PRKN: variants seen among roughly 807,000 people sequenced by gnomAD.
PRKN encodes parkin RBR E3 ubiquitin protein ligase.
In PRKN, 56 loss-of-function variants were observed where a neutral mutation model predicts 59.5. That is an observed-to-expected ratio of 0.94 (90% CI 0.76 to 1.18). The LOEUF is 1.18. Ranked by LOEUF, PRKN falls within the 50% of genes most tolerant of loss-of-function variation. The pLI is 0.00. For synonymous variants in PRKN, 250 were observed against 222.1 expected, an observed-to-expected ratio of 1.13 and a Z score of -1.12; for missense variants, 657 against 596.4, an observed-to-expected ratio of 1.10 and a Z score of -1.06.
chr6:162,581,324 T>C (rs919915913), intron 1 of PRKN, among the ~76,000 whole-genome samples: 1 of 152,232 alleles, frequency 6.6e-6, no homozygotes, highest in East Asian at 1.9e-4. Context: ...GGTAGTTATA[T>C]GGCAATTAAT....
At chr6:162,187,550 G>A (rs1246414134) in intron 4 of PRKN, among the ~76,000 whole-genome samples, 5 of 152,108 alleles carry the variant, frequency 3.3e-5, no homozygotes, top group Non-Finnish European at 7.3e-5. Flanking sequence ...CCTCCAGCAA[G>A]TGCCCAGCCT....
intron 2 of PRKN, among the ~76,000 whole-genome samples, chr6:162,434,349 T>C (rs923364282): frequency 2.0e-5 from 3 of 152,210 alleles, no homozygotes; most frequent in Non-Finnish European, 4.4e-5. Flanking sequence ...ATCCTCTGAT[T>C]TAGCACATGG....
chr6:161,692,888 C>T (rs1306389098), intron 7 of PRKN, among the ~76,000 whole-genome samples: 2 of 148,694 alleles, frequency 1.3e-5, no homozygotes, highest in Non-Finnish European at 1.5e-5. Context: ...GCTGAGGTTG[C>T]AGTGAGCAGA....
intron 7 of PRKN, among the ~76,000 whole-genome samples, chr6:161,591,026 G>A (rs1562545823): frequency 2.0e-5 from 3 of 152,164 alleles, no homozygotes; most frequent in East Asian, 1.9e-4. Context: ...TCCTGACTTC[G>A]ATCATTATAC....
At chr6:161,658,032 A>G (rs1210748246) in intron 7 of PRKN, among the ~76,000 whole-genome samples, 2 of 101,560 alleles carry the variant, frequency 2.0e-5, no homozygotes, top group African/African-American at 4.1e-5. Flanking sequence ...AAAAAAAAAA[A>G]AAGAAAAGAA....
chr6:161,754,665 T>G (rs1161958615), intron 7 of PRKN, among the ~76,000 whole-genome samples: 12 of 152,172 alleles, frequency 7.9e-5, no homozygotes, highest in Non-Finnish European at 1.8e-4. Flanking sequence ...CACATCCCTT[T>G]TCTTCCCTCT....
At chr6:161,705,657 T>C (rs1786456993) in intron 7 of PRKN, among the ~76,000 whole-genome samples, 1 of 152,158 alleles carries the variant, frequency 6.6e-6, no homozygotes, top group African/African-American at 2.4e-5. Context: ...AAGTACTAAG[T>C]TCACTGGCTG....
At chr6:161,931,574 G>A (rs763727558) in intron 6 of PRKN, among the ~76,000 whole-genome samples, 9 of 152,084 alleles carry the variant, frequency 5.9e-5, no homozygotes, top group African/African-American at 1.4e-4. Flanking sequence ...CCCAGTCTGC[G>A]GTATTCTGTT....
intron 3 of PRKN, among the ~76,000 whole-genome samples, chr6:162,209,410 T>C (rs1226776236): frequency 6.6e-6 from 1 of 152,084 alleles, no homozygotes; most frequent in Non-Finnish European, 1.5e-5. Context: ...TGAGATACCA[T>C]CTCATGCCAG....
At chr6:161,729,852 C>T (rs1787600147) in intron 7 of PRKN, among the ~76,000 whole-genome samples, 3 of 150,548 alleles carry the variant, frequency 2.0e-5, no homozygotes, top group Non-Finnish European at 4.4e-5. Context: ...TGATGTGCTG[C>T]ATTCTGACAT....
chr6:162,233,162 G>C (rs983635122), intron 3 of PRKN, among the ~76,000 whole-genome samples: 1 of 152,134 alleles, frequency 6.6e-6, no homozygotes, highest in Non-Finnish European at 1.5e-5. Context: ...GGCACATCTT[G>C]TCATTTCAAT....
At chr6:162,523,655 C>T (rs554980733) in intron 1 of PRKN, among the ~76,000 whole-genome samples, 1 of 152,032 alleles carries the variant, frequency 6.6e-6, no homozygotes, top group East Asian at 1.9e-4. Context: ...CAGAGTAAGA[C>T]TGTCTCAAAA....
intron 2 of PRKN, chr6:162,265,189 A>G (rs981795000): frequency 6.6e-6 from 1 of 152,044 alleles, no homozygotes; most frequent in Non-Finnish European, 1.5e-5. Flanking sequence ...TTGATTTTTC[A>G]TCTTCCTTAC....
At chr6:161,994,846 T>C (rs918040161) in intron 5 of PRKN, among the ~76,000 whole-genome samples, 5 of 152,044 alleles carry the variant, frequency 3.3e-5, no homozygotes, top group Non-Finnish European at 7.4e-5. Flanking sequence ...GCCCTGCTCA[T>C]TGACCGAATT....
At chr6:161,577,461 G>A (rs933038403) in intron 7 of PRKN, among the ~76,000 whole-genome samples, 7 of 152,166 alleles carry the variant, frequency 4.6e-5, no homozygotes, top group African/African-American at 1.4e-4. Flanking sequence ...CTGAGTTTGT[G>A]AACATATATG....
intron 6 of PRKN, among the ~76,000 whole-genome samples, chr6:161,809,862 T>C (rs1214544615): frequency 6.6e-6 from 1 of 152,228 alleles, no homozygotes; most frequent in Non-Finnish European, 1.5e-5. Flanking sequence ...ATTAAGTAGC[T>C]AATCTAAACA....
chr6:161,759,243 T>C (rs538711763), intron 7 of PRKN, among the ~76,000 whole-genome samples: 1 of 152,142 alleles, frequency 6.6e-6, no homozygotes, highest in African/African-American at 2.4e-5. Context: ...TCCTTCAAGT[T>C]GTGTAATCAG....
chr6:162,003,607 C>T (rs918741391), intron 5 of PRKN, among the ~76,000 whole-genome samples: 6 of 152,108 alleles, frequency 3.9e-5, no homozygotes, highest in African/African-American at 1.4e-4. Flanking sequence ...CATGCTGAAA[C>T]TGTCCATTTC....
chr6:161,876,229 CT>C (rs1412825523), intron 6 of PRKN, among the ~76,000 whole-genome samples: 1 of 152,112 alleles, frequency 6.6e-6, no homozygotes, highest in Non-Finnish European at 1.5e-5. Flanking sequence ...AACTATATTA[CT>C]GAATATCTCC....
Sources: gnomAD v4.1 joint callset for allele counts (sites outside exome capture counted in the v4.1 genomes callset) on GRCh38, gnomAD v4.1.1 for gene constraint, MANE v1.5 for transcripts, NCBI Gene and HGNC (gene_info 2026-07-23, HGNC 2026-07-21) for gene names.